The following ANKRD30B variants were observed in gnomAD, a reference collection of about 807,000 sequenced individuals.
The protein encoded by ANKRD30B is ankyrin repeat domain-containing protein 30B.
In ANKRD30B, 144 loss-of-function variants were observed where a neutral mutation model predicts 202.2. The ratio of observed to expected loss-of-function variants is 0.71; its 90% CI spans 0.62 to 0.82. The LOEUF (loss-of-function observed/expected upper bound fraction) is 0.82, where lower values mean the gene tolerates loss of function less well. Among genes scored for constraint, ANKRD30B ranks in the 40% least tolerant of loss-of-function variants. The probability of loss-of-function intolerance (pLI) is 0.00; values close to 1 mark genes in which losing one functional copy is unlikely to be tolerated. For synonymous variants in ANKRD30B, 508 were observed against 561.3 expected, an observed-to-expected ratio of 0.91 and a Z score of 1.34; for missense variants, 1,487 against 1,669.1, an observed-to-expected ratio of 0.89 and a Z score of 1.90.
At chr18:14,757,537 T>A (rs1360436635) in intron 4 of ANKRD30B, among the ~76,000 whole-genome samples, 3 of 152,198 alleles carry the variant, frequency 2.0e-5, no homozygotes, top group Non-Finnish European at 4.4e-5. Flanking sequence ...AAATAGATAA[T>A]TCTTCCCTTA....
chr18:14,870,041 G>A, the ANKRD30B span, among the ~76,000 whole-genome samples: 1 of 152,108 alleles, frequency 6.6e-6, no homozygotes, highest in Admixed American at 6.6e-5. Context: ...TCACCATATT[G>A]ATCATGCCGG....
Position 14,843,071 on chromosome 18 carries a change from G to A in ANKRD30B, c.3156G>A (p.Trp1052Ter). 2 of 1,607,918 alleles carry A rather than the reference G, an allele frequency of 1.2e-6. No homozygotes were observed. Among genetic ancestry groups the A allele is most frequent in the African/African-American group, 2.7e-5 (2 of 74,728 alleles). The change falls in exon 39 of 44, where the codon TGG (tryptophan) becomes TGA (stop). Residue 1052 changes from tryptophan (W) to a stop codon, truncating the protein, a stop_gained. Transcript: ENST00000690538. LOFTEE classifies it high-confidence loss of function. ...CTGTTCCAAATAAAGGCTTAGAATGGAAGAATAAACAAACATTGAGAGCAG... is the reference window on the plus strand; with the variant it reads ...CTGTTCCAAATAAAGGCTTAGAATGAAAGAATAAACAAACATTGAGAGCAG... ...QNSVPNKGLE[W>*]KNKQTLRADS...
At chr18:14,749,104 A>G (rs1264470464) in intron 1 of ANKRD30B, among the ~76,000 whole-genome samples, 2 of 152,228 alleles carry the variant, frequency 1.3e-5, no homozygotes, top group African/African-American at 4.8e-5. Flanking sequence ...TCCAATGTCC[A>G]TTTTGATATC....
At chr18:14,774,143 T>C (rs1011885594) in intron 9 of ANKRD30B, among the ~76,000 whole-genome samples, 1 of 152,136 alleles carries the variant, frequency 6.6e-6, no homozygotes, top group African/African-American at 2.4e-5. Context: ...TGTCTTATTA[T>C]ATAATAATAA....
intron 30 of ANKRD30B, among the ~76,000 whole-genome samples, chr18:14,815,578 G>A (rs60767930): frequency 0.18 from 26,764 of 151,982 alleles, 2,556 homozygotes; most frequent in East Asian, 0.27. Context: ...ATTGGATAAA[G>A]GGTCAAGACA....
the ANKRD30B span, among the ~76,000 whole-genome samples, chr18:14,880,085 A>T: frequency 1.3e-5 from 2 of 152,078 alleles, no homozygotes; most frequent in African/African-American, 4.8e-5. Context: ...ATCCAGTTTT[A>T]TTCCCCTACA....
At chr18:14,852,896 T>C (rs1971948631) in intron 42 of ANKRD30B, among the ~76,000 whole-genome samples, 1 of 152,170 alleles carries the variant, frequency 6.6e-6, no homozygotes, top group Admixed American at 6.5e-5. Flanking sequence ...CATCTTGTAA[T>C]AACACTTTTT....
the ANKRD30B span, among the ~76,000 whole-genome samples, chr18:14,900,483 T>C: frequency 6.6e-6 from 1 of 152,184 alleles, no homozygotes; most frequent in African/African-American, 2.4e-5. Context: ...CCTTAAGTCT[T>C]CAAGCTTATG....
chr18:14,759,933 G>T (rs1567982783), intron 5 of ANKRD30B, among the ~76,000 whole-genome samples: 1 of 151,992 alleles, frequency 6.6e-6, no homozygotes. Context: ...GTAGAGACAG[G>T]GTCTCCCTGT....
chr18:14,834,865 A>G (rs975410677), intron 34 of ANKRD30B, among the ~76,000 whole-genome samples: 1 of 151,972 alleles, frequency 6.6e-6, no homozygotes, highest in Non-Finnish European at 1.5e-5. Context: ...TAGTAACTTT[A>G]TGTCTTATAT....
chr18:14,917,587 G>T, the ANKRD30B span, among the ~76,000 whole-genome samples: 4 of 152,184 alleles, frequency 2.6e-5, 1 homozygote, highest in African/African-American at 7.2e-5. Flanking sequence ...AAGGGAGAGG[G>T]ATTTATTCAG....
intron 39 of ANKRD30B, among the ~76,000 whole-genome samples, chr18:14,846,682 G>T (rs951375859): frequency 6.6e-6 from 1 of 151,874 alleles, no homozygotes; most frequent in African/African-American, 2.4e-5. Flanking sequence ...AAATCACCTT[G>T]TTTATTGCTG....
chr18:14,763,985 T>C lies in ANKRD30B; in HGVS notation c.1120T>C (p.Cys374Arg), dbSNP rs1403464394. Residue 374 changes from cysteine (C) to arginine (R), a missense_variant, in exon 7 of 44, where the codon TGC becomes CGC. Physicochemically the swap from Cys to Arg is radical, Grantham distance 180 (BLOSUM62 -3). This residue lies in a region of ANKRD30B where 889 missense variants were observed against 841.4 expected (regional missense o/e 1.06). Transcript: ENST00000690538. ...EEKETSVKTE[C>R]VAGVTPNKTE... ...AAAAGAAACATCTGTAAAGACTGAA[T>C]GCGTGGCAGGAGTAACACCTAATAA... 4 of 1,602,346 alleles carry C rather than the reference T, an allele frequency of 2.5e-6. No individual in the cohort carries two copies. In the East Asian group the frequency reaches 9.1e-5, roughly 36 times the overall value.
chr18:14,804,110 T>G, intron 24 of ANKRD30B, among the ~76,000 whole-genome samples: 1 of 37,962 alleles, frequency 2.6e-5, no homozygotes, highest in Non-Finnish European at 5.4e-5. Flanking sequence ...GAAATGAAGA[T>G]CGAGAAAGAC....
At chr18:14,918,515 G>GCA in the ANKRD30B span, among the ~76,000 whole-genome samples, 6 of 152,072 alleles carry the variant, frequency 3.9e-5, no homozygotes, top group Admixed American at 2.0e-4. Context: ...CCGACTCCAG[G>GCA]CACAGAAGGC....
In ANKRD30B at chr18:14,763,996, A is replaced by G. The variant is rs755464043; in HGVS notation, c.1131A>G (p.Gly377=). The change falls in exon 7 of 44, where the codon GGA becomes GGG. Residue 377 remains glycine, a synonymous_variant. Coordinates refer to ENST00000690538, the MANE Select transcript of ANKRD30B (RefSeq NM_001367607.2). ...CTGTAAAGACTGAATGCGTGGCAGG[A>G]GTAACACCTAATAAAACTGAAGTTT... ...ETSVKTECVA[G]VTPNKTEVLE... 1 of 1,591,826 alleles carries G rather than the reference A, an allele frequency of 6.3e-7. No individual in the cohort carries two copies. Among genetic ancestry groups the G allele is most frequent in the South Asian group, 1.2e-5 (1 of 86,772 alleles).
At chr18:14,894,116 C>T in the ANKRD30B span, among the ~76,000 whole-genome samples, 1 of 152,108 alleles carries the variant, frequency 6.6e-6, no homozygotes, top group Non-Finnish European at 1.5e-5. Flanking sequence ...GAGACTATGC[C>T]CTAAATAGCT....
intron 36 of ANKRD30B, among the ~76,000 whole-genome samples, chr18:14,839,826 G>A (rs1002350358): frequency 6.6e-6 from 1 of 151,902 alleles, no homozygotes; most frequent in Non-Finnish European, 1.5e-5. Context: ...TTCCTACTTC[G>A]CACGACATAC....
chr18:14,864,801 C>T, the ANKRD30B span, among the ~76,000 whole-genome samples: 1 of 151,692 alleles, frequency 6.6e-6, no homozygotes, highest in Admixed American at 6.6e-5. Flanking sequence ...TCATCTTTTT[C>T]TCCCATCCTC....
Sources: gnomAD v4.1 joint callset for allele counts (sites outside exome capture counted in the v4.1 genomes callset) on GRCh38, gnomAD v4.1.1 for gene constraint, gnomAD v4.1.1 regional missense constraint, MANE v1.5 for transcripts, NCBI Gene and HGNC (gene_info 2026-07-23, HGNC 2026-07-21) for gene names.